Variants in CUBN observed in about 807,000 individuals in gnomAD.
The protein encoded by CUBN is 460 kDa receptor.
A neutral mutation model predicts 405.3 loss-of-function variants in CUBN; 282 were observed. The ratio of observed to expected loss-of-function variants is 0.70; its 90% CI spans 0.63 to 0.77. CUBN has a LOEUF of 0.77. Among genes scored for constraint, CUBN ranks in the 30% least tolerant of loss-of-function variants. The pLI is 0.00. For missense variants in CUBN, 4,514 were observed against 4,475.2 expected, an observed-to-expected ratio of 1.01 and a Z score of -0.25; for synonymous variants, 1,684 against 1,617.0, an observed-to-expected ratio of 1.04 and a Z score of -0.99.
chr10:16,873,445 G>A (rs953083225), intron 58 of CUBN, among the ~76,000 whole-genome samples: 1 of 152,096 alleles, frequency 6.6e-6, no homozygotes, highest in Non-Finnish European at 1.5e-5. Context: ...TTTGAGGCTG[G>A]GTGCGGTGGC....
At chr10:16,879,047 G>C (rs1300603713) in intron 56 of CUBN, among the ~76,000 whole-genome samples, 1 of 152,268 alleles carries the variant, frequency 6.6e-6, no homozygotes, top group East Asian at 1.9e-4. Flanking sequence ...ATTTTGTGTG[G>C]GCACATGCTT....
At chr10:17,026,639 A>T (rs545003762) in intron 27 of CUBN, among the ~76,000 whole-genome samples, 98 of 149,106 alleles carry the variant, frequency 6.6e-4, no homozygotes, top group African/African-American at 2.0e-3. Flanking sequence ...CTCAAAAAAA[A>T]AAATAAATAA....
intron 28 of CUBN, among the ~76,000 whole-genome samples, chr10:17,017,507 C>A (rs1834362740): frequency 6.6e-6 from 1 of 152,124 alleles, no homozygotes; most frequent in African/African-American, 2.4e-5. Flanking sequence ...AGGGCCATAT[C>A]CTGAGGAAGG....
At chr10:17,103,905 G>A (rs560723050) in intron 12 of CUBN, among the ~76,000 whole-genome samples, 109 of 152,230 alleles carry the variant, frequency 7.2e-4, no homozygotes, top group Middle Eastern at 3.4e-3. Context: ...GTCCGGTGAC[G>A]AAAGAAAACT....
chr10:16,925,618 C>G lies in CUBN; in HGVS notation c.6428G>C (p.Gly2143Ala), dbSNP rs1842164611. ...ATCCCCCTGGTTGCAAGAAGAATCTCCATTTGGAATCTGGAAAGGCTGTTC... is the reference window on the plus strand; with the variant it reads ...ATCCCCCTGGTTGCAAGAAGAATCTGCATTTGGAATCTGGAAAGGCTGTTC... ...HFEQPFQIPN[G>A]DSSCNQGDYL... Residue 2143 changes from glycine (G) to alanine (A), a missense_variant, in exon 42 of 67, where the codon GGA becomes GCA. By Grantham distance (60) the Gly-to-Ala change is moderately conservative. This residue lies in a region of CUBN where 1,613 missense variants were observed against 1,542.8 expected (regional missense o/e 1.05). Transcript: ENST00000377833. 1 of 1,613,916 alleles carries G rather than the reference C, an allele frequency of 6.2e-7. No homozygotes were observed. Among genetic ancestry groups the G allele is most frequent in the Admixed American group, 1.7e-5 (1 of 59,980 alleles).
intron 34 of CUBN, 56 bp from the exon 35 acceptor site, chr10:16,948,662 G>C (rs1842847562): frequency 1.2e-6 from 2 of 1,604,618 alleles, no homozygotes; most frequent in Middle Eastern, 1.7e-4. Flanking sequence ...AGAGACCGCT[G>C]TTTCTAGGAA....
At chr10:16,914,097 A>T in intron 47 of CUBN, 105 bp from the exon 48 acceptor site, 1 of 1,192,616 alleles carries the variant, frequency 8.4e-7, no homozygotes, top group Non-Finnish European at 1.2e-6. Flanking sequence ...CCTTCTAGAT[A>T]AAATTAGTCT....
At chr10:17,028,776 A>G (rs1480612617) in intron 27 of CUBN, among the ~76,000 whole-genome samples, 2 of 152,082 alleles carry the variant, frequency 1.3e-5, no homozygotes, top group East Asian at 1.9e-4. Flanking sequence ...TAAAGAGCCA[A>G]TGTAGGAACT....
At chr10:17,111,689 C>T (rs1242230046) in intron 8 of CUBN, among the ~76,000 whole-genome samples, 3 of 152,080 alleles carry the variant, frequency 2.0e-5, no homozygotes, top group African/African-American at 4.8e-5. Flanking sequence ...TTTGGGAGGC[C>T]GAGGTGGGCA....
intron 43 of CUBN, among the ~76,000 whole-genome samples, chr10:16,920,745 T>G (rs535108136): frequency 1.3e-5 from 2 of 152,308 alleles, no homozygotes; most frequent in South Asian, 4.1e-4. Flanking sequence ...TTTTCTATTA[T>G]CAATAAATAT....
At chr10:16,985,943 A>T (rs1833405318) in intron 29 of CUBN, among the ~76,000 whole-genome samples, 1 of 152,188 alleles carries the variant, frequency 6.6e-6, no homozygotes, top group Non-Finnish European at 1.5e-5. Context: ...GCAGGCAAGG[A>T]TAGCCTAGGC....
chr10:16,997,818 C>A (rs1221125018), intron 28 of CUBN, among the ~76,000 whole-genome samples: 1 of 152,084 alleles, frequency 6.6e-6, no homozygotes, highest in Non-Finnish European at 1.5e-5. Flanking sequence ...CAACATTTCA[C>A]AGGTATGTGG....
rs139051724 is a variant in CUBN, at chr10:16,828,840, C to A, written c.10729G>T (p.Ala3577Ser). The A allele has an allele frequency of 1.6e-5, 26 of 1,613,948 alleles. No individual in the cohort carries two copies. The highest frequency in any genetic ancestry group is 1.9e-5 in the Non-Finnish European group (23 of 1,179,856). Residue 3577 changes from alanine to serine, a missense_variant, in exon 66 of 67, where the codon GCC becomes TCC. By Grantham distance (99) the Ala-to-Ser change is moderately conservative (BLOSUM62 1). This residue lies in a region of CUBN where 1,186 missense variants were observed against 1,186.9 expected (regional missense o/e 1.00). Coordinates refer to ENST00000377833, the MANE Select transcript of CUBN (RefSeq NM_001081.4). ...TATGGTCCAGAGGATGGAGAGCTGGCGTTGGGCCCATCATAGAGTGTGAGA... is the reference window on the plus strand; with the variant it reads ...TATGGTCCAGAGGATGGAGAGCTGGAGTTGGGCCCATCATAGAGTGTGAGA... ...NYLTLYDGPN[A>S]SSPSSGPYCG... is the part of the protein sequence containing the mutation.
chr10:17,061,651 T>TAA (rs1835506594), intron 22 of CUBN, among the ~76,000 whole-genome samples: 1 of 152,154 alleles, frequency 6.6e-6, no homozygotes, highest in Non-Finnish European at 1.5e-5. Context: ...AACCCTGCCC[T>TAA]GGGAAGGAGG....
intron 27 of CUBN, among the ~76,000 whole-genome samples, chr10:17,026,639 A>AAT (rs1834673011): frequency 6.7e-6 from 1 of 148,990 alleles, no homozygotes; most frequent in African/African-American, 2.5e-5. Flanking sequence ...CTCAAAAAAA[A>AAT]AAATAAATAA....
At chr10:17,025,524 C>T (rs1304822553) in intron 27 of CUBN, among the ~76,000 whole-genome samples, 6 of 152,096 alleles carry the variant, frequency 3.9e-5, no homozygotes, top group Non-Finnish European at 7.4e-5. Context: ...TGAGATAAAC[C>T]ACGTAAAAGG....
chr10:16,921,048 AT>A (rs1842019524), intron 43 of CUBN, among the ~76,000 whole-genome samples: 1 of 152,168 alleles, frequency 6.6e-6, no homozygotes, highest in African/African-American at 2.4e-5. Flanking sequence ...GTTGTGTTCA[AT>A]TCAAGCCATT....
At chr10:16,891,949 T>G (rs1841028994) in intron 54 of CUBN, among the ~76,000 whole-genome samples, 1 of 152,198 alleles carries the variant, frequency 6.6e-6, no homozygotes, top group African/African-American at 2.4e-5. Flanking sequence ...AGGATGTAGT[T>G]GGATGTGTAT....
At chr10:17,010,950 T>C (rs1201367975) in intron 28 of CUBN, among the ~76,000 whole-genome samples, 3 of 152,172 alleles carry the variant, frequency 2.0e-5, no homozygotes, top group African/African-American at 7.2e-5. Flanking sequence ...ATGTGAACAA[T>C]GTTAAGAGTC....
Sources: allele counts gnomAD v4.1 joint callset (sites outside exome capture counted in the v4.1 genomes callset), GRCh38; gene constraint gnomAD v4.1.1; regional missense constraint gnomAD v4.1.1; transcripts MANE v1.5; gene names NCBI Gene and HGNC (gene_info 2026-07-23, HGNC 2026-07-21).